Variants in FAM234A observed in about 807,000 individuals in gnomAD.
The protein encoded by FAM234A is protein FAM234A.
FAM234A carries 42 observed loss-of-function variants against 49.1 expected under a neutral mutation model. The observed-to-expected ratio is 0.86, with a 90% confidence interval of 0.67 to 1.11. FAM234A has a LOEUF of 1.11. FAM234A is among the 50% of genes least tolerant of loss of function. FAM234A has a pLI of 0.00. For synonymous variants in FAM234A, 369 were observed against 316.2 expected, an observed-to-expected ratio of 1.17 and a Z score of -1.77; for missense variants, 815 against 745.2, an observed-to-expected ratio of 1.09 and a Z score of -1.09.
intron 2 of FAM234A, 64 bp from the exon 3 acceptor site, chr16:254,317 T>C (rs2051140010): frequency 7.1e-7 from 1 of 1,401,454 alleles, no homozygotes; most frequent in African/African-American, 1.4e-5. Context: ...AGCAGACCCC[T>C]CTGTGCTGCA....
intron 1 of FAM234A, among the ~76,000 whole-genome samples, chr16:236,492 G>T (rs1182353914): frequency 6.6e-6 from 1 of 151,414 alleles, no homozygotes; most frequent in Non-Finnish European, 1.5e-5. Context: ...GTGTGGTGGC[G>T]CACACCTGTA....
chr16:244,633 A>G (rs1046134295), intron 1 of FAM234A, among the ~76,000 whole-genome samples: 3 of 151,190 alleles, frequency 2.0e-5, no homozygotes, highest in Non-Finnish European at 2.9e-5. Context: ...AATGTTGTAA[A>G]AATAGCACAG....
chr16:267,810 C>G (rs1429778497), downstream of FAM234A, among the ~76,000 whole-genome samples: 1 of 149,066 alleles, frequency 6.7e-6, no homozygotes, highest in African/African-American at 2.5e-5. Context: ...CACACGTGCA[C>G]TACACACAAT....
chr16:259,881 A>G lies in FAM234A; in HGVS notation c.386-88A>G. 5 of 1,252,364 alleles carry G rather than the reference A, an allele frequency of 4.0e-6. No homozygotes were observed. The South Asian group carries it at 6.6e-5, about 17-fold the overall frequency. 77.6% of individuals were successfully genotyped at this position (1,252,364 alleles called of 1,614,324 possible). On this transcript the variant is annotated intron_variant, in intron 4 of 12. Coordinates refer to ENST00000399932, the MANE Select transcript of FAM234A (RefSeq NM_032039.4). ...CTGTGGCCTAGGAGAGGTGTGAGGA[A>G]AACAGACCTGGAACAGCACATGCTG...
intron 3 of FAM234A, among the ~76,000 whole-genome samples, chr16:256,734 T>C (rs1356275304): frequency 6.8e-6 from 1 of 146,322 alleles, no homozygotes; most frequent in African/African-American, 2.5e-5. Flanking sequence ...CTACCATGCC[T>C]GGCTAATTTT....
At chr16:252,086 G>A (rs117318162) in intron 2 of FAM234A, among the ~76,000 whole-genome samples, 2,286 of 149,516 alleles carry the variant, frequency 0.015, 41 homozygotes, top group South Asian at 0.059. Flanking sequence ...CTGCAGCCTC[G>A]AGCAATCCTC....
Position 244,086 on chromosome 16 carries a change from A to C in FAM234A, c.-139-5463A>C, listed in dbSNP as rs368812870. Among the ~76,000 whole-genome samples the C allele has an allele frequency of 5.9e-5, 9 of 151,704 alleles. No homozygotes were observed. The East Asian group carries it at 7.8e-4, about 13-fold the overall frequency. ...CAGGTTCACACCATTCTCCTGCCTCAGCCTCCTGAGTAGCTGGGACTACAG... is the reference window on the plus strand; with the variant it reads ...CAGGTTCACACCATTCTCCTGCCTCCGCCTCCTGAGTAGCTGGGACTACAG... On this transcript the variant is annotated intron_variant, in intron 1 of 12. Coordinates refer to ENST00000399932, the MANE Select transcript of FAM234A (RefSeq NM_032039.4).
intron 1 of FAM234A, among the ~76,000 whole-genome samples, chr16:246,417 CTT>C (rs1183467460): frequency 2.9e-3 from 195 of 67,286 alleles, no homozygotes; most frequent in African/African-American, 0.01. Flanking sequence ...TAGGTGGTGG[CTT>C]TTTTTTTTTT....
chr16:241,164 T>C (rs1202026271), intron 1 of FAM234A, among the ~76,000 whole-genome samples: 2 of 152,010 alleles, frequency 1.3e-5, no homozygotes, highest in East Asian at 3.9e-4. Context: ...CGAGTGATCT[T>C]CCTGCCTCCT....
intron 1 of FAM234A, among the ~76,000 whole-genome samples, chr16:238,862 A>G (rs1489796895): frequency 6.8e-6 from 1 of 146,460 alleles, no homozygotes; most frequent in Non-Finnish European, 1.5e-5. Flanking sequence ...AGGTGGGTGG[A>G]TCACGAGGTC....
intron 3 of FAM234A, among the ~76,000 whole-genome samples, chr16:256,161 G>A (rs190196077): frequency 0.011 from 1,641 of 152,310 alleles, 22 homozygotes; most frequent in Non-Finnish European, 0.017. Context: ...TAATTCTGCC[G>A]TGAACATTCA....
Position 265,673 on chromosome 16 carries a change from G to T in FAM234A, c.*651G>T, listed in dbSNP as rs1446054913. On this transcript the variant is annotated 3_prime_UTR_variant, in exon 13 of 13. Coordinates refer to ENST00000399932, the MANE Select transcript of FAM234A (RefSeq NM_032039.4). ...CTGGAGCAAGGGTCTCCCCCAGCAG[G>T]ATGGGTGGGGCCTGCTCTGGAGCTG... 1 of 985,414 alleles carries T rather than the reference G, an allele frequency of 1.0e-6. No individual in the cohort carries two copies. Among genetic ancestry groups the T allele is most frequent in the African/African-American group, 1.7e-5 (1 of 57,216 alleles). The allele number at this position is 985,414 out of a possible 1,614,324, so 61.0% of individuals were successfully genotyped here.
intron 1 of FAM234A, among the ~76,000 whole-genome samples, chr16:241,581 C>T (rs2050613949): frequency 6.9e-6 from 1 of 145,968 alleles, no homozygotes; most frequent in Non-Finnish European, 1.5e-5. Flanking sequence ...AGAGCAAGAC[C>T]CTGTGTCAAA....
At chr16:256,797 C>A (rs2051251760) in intron 3 of FAM234A, among the ~76,000 whole-genome samples, 1 of 149,108 alleles carries the variant, frequency 6.7e-6, no homozygotes, top group African/African-American at 2.5e-5. Flanking sequence ...GGCTGGAGTG[C>A]AATGGCCTGA....
intron 3 of FAM234A, among the ~76,000 whole-genome samples, chr16:254,882 T>A (rs376411634): frequency 6.6e-6 from 1 of 152,136 alleles, no homozygotes; most frequent in Non-Finnish European, 1.5e-5. Flanking sequence ...TGAGATGGAG[T>A]TTCGCTCTTG....
chr16:260,609 G>A (rs774919979), intron 5 of FAM234A: 8 of 474,420 alleles, frequency 1.7e-5, no homozygotes, highest in South Asian at 7.7e-5. Context: ...CAGCGGAGCC[G>A]GCCTCGTGGA....
rs573531171 is a variant in FAM234A, at chr16:242,342, G to A, written c.-139-7207G>A. ...TGATTCTCGTGCTTCAGCCTTCCCAGTAGCTGAGACTATAGGCAGACACCA... is the reference window on the plus strand; with the variant it reads ...TGATTCTCGTGCTTCAGCCTTCCCAATAGCTGAGACTATAGGCAGACACCA... On this transcript the variant is annotated intron_variant, in intron 1 of 12. Coordinates refer to ENST00000399932, the MANE Select transcript of FAM234A (RefSeq NM_032039.4). 3.3e-5 allele frequency among the ~76,000 whole-genome samples: 5 copies of A among 152,182 alleles called. No individual in the cohort carries two copies. The East Asian group carries it at 9.7e-4, about 29-fold the overall frequency.
intron 1 of FAM234A, among the ~76,000 whole-genome samples, chr16:247,732 C>T (rs1484793750): frequency 6.6e-6 from 1 of 152,086 alleles, no homozygotes; most frequent in African/African-American, 2.4e-5. Flanking sequence ...CGCGCCTGGC[C>T]TTATTAATGA....
chr16:251,706 T>TTA (rs1567215357), intron 2 of FAM234A, among the ~76,000 whole-genome samples: 1 of 146,058 alleles, frequency 6.8e-6, no homozygotes, highest in African/African-American at 2.5e-5. Flanking sequence ...TTTTTTTTTT[T>TTA]AAGAGATGGG....
Sources: allele counts gnomAD v4.1 joint callset (sites outside exome capture counted in the v4.1 genomes callset), GRCh38; gene constraint gnomAD v4.1.1; transcripts MANE v1.5; gene names NCBI Gene and HGNC (gene_info 2026-07-23, HGNC 2026-07-21).